The following CIMIP4 variants were observed in gnomAD, a reference collection of about 807,000 sequenced individuals.
The protein encoded by CIMIP4 is ciliary microtubule inner protein 4.
the CIMIP4 span, among the ~76,000 whole-genome samples, chr22:37,004,596 C>T: frequency 6.6e-6 from 1 of 152,226 alleles, no homozygotes; most frequent in South Asian, 2.1e-4. Flanking sequence ...GGTGTAAACT[C>T]AGTCTTCTCT....
At chr22:36,994,126 G>T in the CIMIP4 span, among the ~76,000 whole-genome samples, 2 of 152,110 alleles carry the variant, frequency 1.3e-5, no homozygotes, top group African/African-American at 4.8e-5. Flanking sequence ...AATAGATAAG[G>T]CAAAATTGAC....
At chr22:36,999,363 C>T in the CIMIP4 span, among the ~76,000 whole-genome samples, 1 of 148,500 alleles carries the variant, frequency 6.7e-6, no homozygotes, top group Non-Finnish European at 1.5e-5. Context: ...ATCTGTGGTC[C>T]CAGCTACTTA....
the CIMIP4 span, among the ~76,000 whole-genome samples, chr22:37,000,335 G>A: frequency 1.3e-5 from 2 of 152,158 alleles, no homozygotes; most frequent in Non-Finnish European, 2.9e-5. Flanking sequence ...GGAGACCAAA[G>A]ATCACCCAGT....
At chr22:37,006,797 T>A in the CIMIP4 span, among the ~76,000 whole-genome samples, 1 of 152,198 alleles carries the variant, frequency 6.6e-6, no homozygotes, top group Admixed American at 6.5e-5. Context: ...TGGTGTGGAC[T>A]GGACATAGTG....
At chr22:36,999,330 A>G in the CIMIP4 span, among the ~76,000 whole-genome samples, 1 of 148,832 alleles carries the variant, frequency 6.7e-6, no homozygotes, top group African/African-American at 2.5e-5. Context: ...AAAGAAAAAA[A>G]TTAGCCAGGT....
chr22:36,998,021 C>T, the CIMIP4 span, among the ~76,000 whole-genome samples: 1 of 152,208 alleles, frequency 6.6e-6, no homozygotes, highest in Non-Finnish European at 1.5e-5. Context: ...CATTTATGTG[C>T]CAGTCAGTTC....
At chr22:36,996,562 C>T in the CIMIP4 span, among the ~76,000 whole-genome samples, 1 of 152,026 alleles carries the variant, frequency 6.6e-6, no homozygotes, top group Non-Finnish European at 1.5e-5. Context: ...GAGGTATATA[C>T]CATATTCATA....
chr22:36,999,709 A>G, the CIMIP4 span: 1 of 1,207,404 alleles, frequency 8.3e-7, no homozygotes, highest in Non-Finnish European at 1.1e-6. Context: ...CATGGGCATG[A>G]AATAAGTGTC....
the CIMIP4 span, chr22:37,002,012 TTC>T: frequency 8.1e-6 from 13 of 1,613,404 alleles, no homozygotes; most frequent in East Asian, 2.7e-4. Context: ...GGTGGCCCTG[TTC>T]TCTCTCGAGG....
chr22:37,003,533 G>A, the CIMIP4 span, among the ~76,000 whole-genome samples: 1 of 152,150 alleles, frequency 6.6e-6, no homozygotes, highest in Non-Finnish European at 1.5e-5. Context: ...CCAAGCCTTT[G>A]CCTGAGCTAT....
At chr22:36,997,359 C>T in the CIMIP4 span, among the ~76,000 whole-genome samples, 1 of 152,160 alleles carries the variant, frequency 6.6e-6, no homozygotes, top group African/African-American at 2.4e-5. Flanking sequence ...AGTAAATAGC[C>T]ATCTCATCCT....
the CIMIP4 span, among the ~76,000 whole-genome samples, chr22:36,997,193 C>T: frequency 7.9e-5 from 12 of 152,206 alleles, no homozygotes; most frequent in African/African-American, 2.9e-4. Context: ...TGAATCCCTA[C>T]TTCATACTAA....
At chr22:37,002,571 G>A in the CIMIP4 span, among the ~76,000 whole-genome samples, 2 of 152,200 alleles carry the variant, frequency 1.3e-5, no homozygotes, top group Non-Finnish European at 2.9e-5. Flanking sequence ...ATTGCCTGGG[G>A]CAACAAGGGC....
the CIMIP4 span, among the ~76,000 whole-genome samples, chr22:37,004,348 TC>T: frequency 1.3e-5 from 2 of 151,504 alleles, no homozygotes; most frequent in Non-Finnish European, 2.9e-5. Context: ...CTCATTTTAC[TC>T]CTTCATAATT....
the CIMIP4 span, among the ~76,000 whole-genome samples, chr22:37,000,488 G>C: frequency 2.6e-5 from 4 of 152,192 alleles, no homozygotes; most frequent in Non-Finnish European, 5.9e-5. Flanking sequence ...CAGAGAAGCT[G>C]AGCCCAGGTC....
At chr22:36,999,821 C>T in the CIMIP4 span, 1 of 1,607,556 alleles carries the variant, frequency 6.2e-7, no homozygotes, top group Admixed American at 1.7e-5. Context: ...ACGGCCCCAC[C>T]CTTGCCCTTT....
the CIMIP4 span, among the ~76,000 whole-genome samples, chr22:36,994,326 T>C: frequency 2.6e-5 from 4 of 152,156 alleles, no homozygotes; most frequent in African/African-American, 7.2e-5. Flanking sequence ...TTATTATTAT[T>C]ATCATTATTT....
chr22:36,996,860 T>C, the CIMIP4 span, among the ~76,000 whole-genome samples: 1 of 152,236 alleles, frequency 6.6e-6, no homozygotes, highest in East Asian at 1.9e-4. Context: ...AACTGATCTA[T>C]GCATGTGTCA....
At chr22:36,993,284 A>G in the CIMIP4 span, among the ~76,000 whole-genome samples, 1 of 151,888 alleles carries the variant, frequency 6.6e-6, no homozygotes, top group Admixed American at 6.6e-5. Context: ...TGCTGGGGTT[A>G]CAGGTGTGAG....
Sources: gnomAD v4.1 joint callset for allele counts (sites outside exome capture counted in the v4.1 genomes callset) on GRCh38, gnomAD v4.1.1 for gene constraint, MANE v1.5 for transcripts, NCBI Gene and HGNC (gene_info 2026-07-23, HGNC 2026-07-21) for gene names.